Variants in SOAT1 observed in about 807,000 individuals in gnomAD.
SOAT1 encodes acyl-coenzyme A:cholesterol acyltransferase 1.
SOAT1 carries 55 observed loss-of-function variants against 69.5 expected under a neutral mutation model. That is an observed-to-expected ratio of 0.79 (90% CI 0.64 to 0.99). The LOEUF is 0.99. Among genes scored for constraint, SOAT1 ranks in the 50% least tolerant of loss-of-function variants. The pLI, the probability that SOAT1 is intolerant of heterozygous loss-of-function variation, is 0.00. For missense variants in SOAT1, 580 were observed against 669.3 expected, an observed-to-expected ratio of 0.87 and a Z score of 1.47; for synonymous variants, 231 against 224.7, an observed-to-expected ratio of 1.03 and a Z score of -0.25.
intron 1 of SOAT1, among the ~76,000 whole-genome samples, chr1:179,301,386 CT>C (rs1664826061): frequency 6.6e-6 from 1 of 152,214 alleles, no homozygotes; most frequent in Non-Finnish European, 1.5e-5. Flanking sequence ...CCTTTCTAGT[CT>C]TTTCCCTCAT....
At chr1:179,328,842 G>A (rs1256775434) in intron 3 of SOAT1, among the ~76,000 whole-genome samples, 1 of 151,890 alleles carries the variant, frequency 6.6e-6, no homozygotes, top group Non-Finnish European at 1.5e-5. Context: ...TCATGAATTC[G>A]AGACCAGCCT....
rs763283638 is a variant in SOAT1 at position 179,342,844 on chromosome 1, A to G, written c.860-18A>G. The G allele has an allele frequency of 1.7e-5, 27 of 1,593,022 alleles. No homozygotes were observed. Among genetic ancestry groups the G allele is most frequent in the Non-Finnish European group, 6.9e-6 (8 of 1,161,342 alleles). ...AAATCAAAGAGCCTTTGCTCTAACT[A>G]TAGTTTTCCTTTTCTAGGCACTGTT... is the stretch of plus-strand genomic sequence containing the variant. On this transcript the variant is annotated intron_variant, in intron 8 of 15. Transcript: ENST00000367619.
At position 179,300,644 on chromosome 1, in the gene SOAT1, G is replaced by C. The variant is rs191412301; in HGVS notation, c.-8-2033G>C. On this transcript the variant is annotated intron_variant, in intron 1 of 15. Coordinates refer to ENST00000367619, the MANE Select transcript of SOAT1 (RefSeq NM_003101.6). ...TATTTCATCCTTTTATACAGAAAAGGATATTTTAGTACAAAAATTAAGAAA... is the reference window on the plus strand; with the variant it reads ...TATTTCATCCTTTTATACAGAAAAGCATATTTTAGTACAAAAATTAAGAAA... Among the ~76,000 whole-genome samples the C allele has an allele frequency of 3.2e-3, 482 of 152,082 alleles. 4 individuals are homozygous for C. The highest frequency in any genetic ancestry group is 0.011 in the African/African-American group (446 of 41,470).
chr1:179,337,256 C>T (rs1182533424), intron 4 of SOAT1, among the ~76,000 whole-genome samples: 1 of 152,018 alleles, frequency 6.6e-6, no homozygotes, highest in East Asian at 1.9e-4. Context: ...ACGAAAAGCC[C>T]TAAAGAAGAT....
At chr1:179,350,172 GTAGACT>G in intron 13 of SOAT1, 118 bp from the exon 14 acceptor site, 1 of 694,380 alleles carries the variant, frequency 1.4e-6, no homozygotes, top group East Asian at 2.7e-5. Flanking sequence ...AATCCAAGGA[GTAGACT>G]TAGAAAATTA....
intron 3 of SOAT1, among the ~76,000 whole-genome samples, chr1:179,332,682 T>C (rs1326954290): frequency 2.0e-5 from 3 of 152,138 alleles, no homozygotes; most frequent in African/African-American, 7.2e-5. Flanking sequence ...AGAAAGACTA[T>C]AACCTCAACA....
At chr1:179,307,423 G>T (rs1310946842) in intron 2 of SOAT1, among the ~76,000 whole-genome samples, 1 of 152,182 alleles carries the variant, frequency 6.6e-6, no homozygotes, top group African/African-American at 2.4e-5. Flanking sequence ...TGGTTTTGTT[G>T]TAAAGGTGAT....
At chr1:179,300,796 A>G (rs918339292) in intron 1 of SOAT1, among the ~76,000 whole-genome samples, 1 of 152,116 alleles carries the variant, frequency 6.6e-6, no homozygotes, top group Non-Finnish European at 1.5e-5. Flanking sequence ...TTTACTTTTT[A>G]TTTAAAATTG....
chr1:179,336,767 C>CTG (rs1666172113), intron 4 of SOAT1, among the ~76,000 whole-genome samples: 1 of 151,992 alleles, frequency 6.6e-6, no homozygotes, highest in Non-Finnish European at 1.5e-5. Flanking sequence ...GAGACCAAGG[C>CTG]AGGTGGATCA....
chr1:179,324,743 C>T (rs970819719), intron 3 of SOAT1, among the ~76,000 whole-genome samples: 17 of 151,918 alleles, frequency 1.1e-4, no homozygotes, highest in Non-Finnish European at 2.4e-4. Context: ...TATCTGATGA[C>T]TAACTTATAA....
At chr1:179,306,145 T>C (rs1553243257) in intron 2 of SOAT1, among the ~76,000 whole-genome samples, 2 of 152,140 alleles carry the variant, frequency 1.3e-5, no homozygotes, top group Admixed American at 1.3e-4. Context: ...GTAGTACAGA[T>C]GGATTTGTGG....
chr1:179,325,303 C>A (rs1665748793), intron 3 of SOAT1, among the ~76,000 whole-genome samples: 1 of 151,642 alleles, frequency 6.6e-6, no homozygotes, highest in Non-Finnish European at 1.5e-5. Flanking sequence ...GTGCCCACCA[C>A]CATGCCCGGC....
At chr1:179,311,337 A>G (rs1464877774) in intron 2 of SOAT1, among the ~76,000 whole-genome samples, 2 of 152,130 alleles carry the variant, frequency 1.3e-5, no homozygotes, top group Non-Finnish European at 2.9e-5. Context: ...CTGCACTCCA[A>G]CCTGGGTGAC....
chr1:179,353,628 G>C lies in SOAT1; in HGVS notation c.1640G>C (p.Arg547Pro), dbSNP rs151112343. 6.2e-7 allele frequency: 1 copy of C among 1,613,492 alleles called. No individual in the cohort carries two copies. The highest frequency in any genetic ancestry group is 2.2e-5 in the East Asian group (1 of 44,864). The change falls in exon 16 of 16, where the codon CGT becomes CCT. Residue 547 changes from arginine (R) to proline (P), a missense_variant. Coordinates refer to ENST00000367619, the MANE Select transcript of SOAT1 (RefSeq NM_003101.6). ...GTCCGGCCACGTTCCTGGACTTGTC[G>C]TTACGTGTTTTAGAAGCTTGGACTT... is the stretch of plus-strand genomic sequence containing the variant. ...DYVRPRSWTC[R>P]YVF
chr1:179,297,398 G>T (rs1044074778), intron 1 of SOAT1, among the ~76,000 whole-genome samples: 61 of 152,102 alleles, frequency 4.0e-4, no homozygotes, highest in African/African-American at 1.5e-3. Flanking sequence ...GTGCAGTGGC[G>T]CGATCTCGGC....
chr1:179,348,189 T>TA (rs1666598561), intron 12 of SOAT1, among the ~76,000 whole-genome samples: 1 of 152,326 alleles, frequency 6.6e-6, no homozygotes, highest in South Asian at 2.1e-4. Context: ...GCTATAGAAT[T>TA]AGAGTCAGAA....
Position 179,357,946 on chromosome 1 carries a change from A to AG in SOAT1, c.*4305_*4306insG, listed in dbSNP as rs1666961653. On this transcript the variant is annotated 3_prime_UTR_variant, in exon 16 of 16. Transcript: ENST00000367619. ...AGCGAGACCCTGTCTCAAAAAAAAA[A>AG]TTACATATAAGCCCGGTTTAAAGAG... 1 of 152,036 alleles carries AG rather than the reference A, an allele frequency of 6.6e-6. No homozygotes were observed. The highest frequency in any genetic ancestry group is 1.5e-5 in the Non-Finnish European group (1 of 67,994). The allele number at this position is 152,036 out of a possible 1,614,324, so 9.4% of individuals were successfully genotyped here. A position where few individuals can be genotyped will look rare whatever the true frequency, so the allele number is the denominator to read the frequency against.
At chr1:179,306,932 C>T (rs1226422295) in intron 2 of SOAT1, among the ~76,000 whole-genome samples, 1 of 151,762 alleles carries the variant, frequency 6.6e-6, no homozygotes, top group Non-Finnish European at 1.5e-5. Context: ...AAAGACATTT[C>T]CTTTTCAAAA....
At chr1:179,309,925 C>T (rs765388558) in intron 2 of SOAT1, among the ~76,000 whole-genome samples, 26 of 151,886 alleles carry the variant, frequency 1.7e-4, no homozygotes, top group Non-Finnish European at 3.1e-4. Flanking sequence ...GATGGAGTCT[C>T]GCTCTGTTGC....
Sources: allele counts gnomAD v4.1 joint callset (sites outside exome capture counted in the v4.1 genomes callset), GRCh38; gene constraint gnomAD v4.1.1; transcripts MANE v1.5; gene names NCBI Gene and HGNC (gene_info 2026-07-23, HGNC 2026-07-21).